The following NTM variants were observed in gnomAD, a reference collection of about 807,000 sequenced individuals.
NTM encodes the protein IgLON family member 2.
Under a neutral mutation model 42.1 loss-of-function variants are expected in NTM, and 13 were observed. That is an observed-to-expected ratio of 0.31 (90% confidence interval 0.20 to 0.49). The LOEUF is 0.49. Ranked by LOEUF, NTM falls within the 20% of genes least tolerant of loss-of-function variation. NTM has a pLI of 0.99. For synonymous variants in NTM, 187 were observed against 179.2 expected (o/e 1.04, Z -0.35); for missense variants, 373 against 452.8 (o/e 0.82, Z 1.60).
Position 132,032,391 on chromosome 11 carries a change from G to C in NTM, c.168-113891G>C, listed in dbSNP as rs535997742. On this transcript the variant is annotated intron_variant, in intron 2 of 8. Transcript: ENST00000683400. ...ATCCATTCCTTGGATTTTCACTGCTGTTTGGGTATAGGAGCTGCACACTTC... is the reference window on the plus strand; with the variant it reads ...ATCCATTCCTTGGATTTTCACTGCTCTTTGGGTATAGGAGCTGCACACTTC... 9.8e-5 allele frequency among the ~76,000 whole-genome samples: 15 copies of C among 152,348 alleles called. No homozygotes were observed. The South Asian group carries it at 2.7e-3, about 27-fold the overall frequency.
At chr11:131,510,568 T>G (rs2048100742) in intron 1 of NTM, among the ~76,000 whole-genome samples, 1 of 152,220 alleles carries the variant, frequency 6.6e-6, no homozygotes, top group African/African-American at 2.4e-5. Context: ...GTCCAATAAC[T>G]TCAGCCTTAA....
rs144240042 is a variant in NTM at position 132,211,681 on chromosome 11, G to A, written c.401-341G>A. 272 of 207,702 alleles carry A rather than the reference G, an allele frequency of 1.3e-3. 1 individual carries two copies. Among genetic ancestry groups the A allele is most frequent in the African/African-American group, 6.0e-3 (254 of 42,306 alleles). 12.9% of individuals were successfully genotyped at this position (207,702 alleles called of 1,614,324 possible). ...CAGAATTGCATTCTTTCAAGACATC[G>A]CTGAATGCAGTGTGGAGGATGGCTC... On this transcript the variant is annotated intron_variant, in intron 3 of 8. Coordinates refer to ENST00000683400, the MANE Select transcript of NTM (RefSeq NM_001352005.2).
At chr11:131,802,408 T>G (rs557326380) in intron 1 of NTM, among the ~76,000 whole-genome samples, 7 of 152,234 alleles carry the variant, frequency 4.6e-5, no homozygotes, top group Non-Finnish European at 1.0e-4. Flanking sequence ...TCAGAATTCA[T>G]AATTCCCTGC....
chr11:132,212,347 A>G (rs2082999518), intron 4 of NTM, among the ~76,000 whole-genome samples, 200 bp downstream of exon 4: 1 of 152,090 alleles, frequency 6.6e-6, no homozygotes, highest in East Asian at 1.9e-4. Flanking sequence ...CAGAATTCAT[A>G]CCTCAGTATC....
At position 131,431,139 on chromosome 11, in the gene NTM, C is replaced by G. The variant is rs190732557; in HGVS notation, c.82+60251C>G. ...GGTACCTGTCTATTTTTATAGCCACCCTTCAGCCAAATTCAGGATTGCAGC... is the reference window on the plus strand; with the variant it reads ...GGTACCTGTCTATTTTTATAGCCACGCTTCAGCCAAATTCAGGATTGCAGC... On this transcript the variant is annotated intron_variant, in intron 1 of 8. Coordinates refer to ENST00000683400, the MANE Select transcript of NTM (RefSeq NM_001352005.2). Among the ~76,000 whole-genome samples, 29 of 152,224 alleles carry G rather than the reference C, an allele frequency of 1.9e-4. 1 individual carries two copies. Among genetic ancestry groups the G allele is most frequent in the Non-Finnish European group, 3.8e-4 (26 of 68,022 alleles).
intron 2 of NTM, among the ~76,000 whole-genome samples, chr11:131,976,218 A>T (rs1268148278): frequency 6.7e-6 from 1 of 149,664 alleles, no homozygotes; most frequent in African/African-American, 2.5e-5. Flanking sequence ...AATAAGCTTA[A>T]TGGGATGAAG....
At chr11:132,095,689 G>T (rs2136466832) in intron 2 of NTM, among the ~76,000 whole-genome samples, 1 of 152,314 alleles carries the variant, frequency 6.6e-6, no homozygotes, top group East Asian at 1.9e-4. Flanking sequence ...TCTAGGCGTG[G>T]TTGTCACCCA....
At chr11:131,479,812 A>T (rs773850628) in intron 1 of NTM, among the ~76,000 whole-genome samples, 2 of 152,204 alleles carry the variant, frequency 1.3e-5, no homozygotes, top group Non-Finnish European at 2.9e-5. Flanking sequence ...CAGCACAGAA[A>T]GCAAGTCAGG....
At position 132,336,052 on chromosome 11, in the gene NTM, A is replaced by G. The variant is rs1423715911; in HGVS notation, c.*906A>G. 1 of 152,628 alleles carries G rather than the reference A, an allele frequency of 6.6e-6. No homozygotes were observed. The highest frequency in any genetic ancestry group is 1.5e-5 in the Non-Finnish European group (1 of 68,030). The allele number at this position is 152,628 out of a possible 1,614,324, so 9.5% of individuals were successfully genotyped here. On this transcript the variant is annotated 3_prime_UTR_variant, in exon 9 of 9. Coordinates refer to ENST00000683400, the MANE Select transcript of NTM (RefSeq NM_001352005.2). The stretch of plus-strand genomic sequence containing the variant: ...CCACCAGCGCTACGGACTCCTCCCA[A>G]TTCTGACATCTCTTGCAGACAATAC...
chr11:131,801,208 T>C (rs760726306), intron 1 of NTM, among the ~76,000 whole-genome samples: 6 of 152,208 alleles, frequency 3.9e-5, no homozygotes, highest in Admixed American at 3.9e-4. Flanking sequence ...AATGTTTTTT[T>C]CTGAAGTTCA....
chr11:132,054,653 A>G (rs551436120), intron 2 of NTM, among the ~76,000 whole-genome samples: 269 of 152,336 alleles, frequency 1.8e-3, no homozygotes, highest in African/African-American at 6.1e-3. Context: ...TATTGTAAAT[A>G]TAGAATACAG....
At chr11:132,321,162 C>T (rs1353350680) in intron 7 of NTM, among the ~76,000 whole-genome samples, 1 of 152,216 alleles carries the variant, frequency 6.6e-6, no homozygotes, top group Non-Finnish European at 1.5e-5. Flanking sequence ...AGCAACTGAA[C>T]AAAGCTGGAC....
At chr11:131,970,240 C>T (rs1043068680) in intron 2 of NTM, among the ~76,000 whole-genome samples, 1 of 152,198 alleles carries the variant, frequency 6.6e-6, no homozygotes, top group African/African-American at 2.4e-5. Flanking sequence ...GTTATCATGG[C>T]TCCAATTTTT....
intron 4 of NTM, among the ~76,000 whole-genome samples, chr11:132,280,475 C>CTTT (rs138697534): frequency 8.5e-5 from 7 of 82,444 alleles, no homozygotes; most frequent in Non-Finnish European, 1.3e-4. Flanking sequence ...ATACTCTCTT[C>CTTT]TTTTTTTTTT....
rs866795586 is a variant in NTM, at chr11:132,078,079, C to T, written c.168-68203C>T. On this transcript the variant is annotated intron_variant, in intron 2 of 8. Transcript: ENST00000683400. Reference sequence around the variant, plus strand: ...AAAACTCATATTTTCTTGCCCCACACGAGGGGATCATCACTTGCTTCTCAG... The same window carrying T: ...AAAACTCATATTTTCTTGCCCCACATGAGGGGATCATCACTTGCTTCTCAG... Among the ~76,000 whole-genome samples, 7 of 152,274 alleles carry T rather than the reference C, an allele frequency of 4.6e-5. No individual in the cohort carries two copies. The East Asian group carries it at 7.7e-4, about 17-fold the overall frequency.
chr11:132,103,456 C>G (rs1348679167), intron 2 of NTM, among the ~76,000 whole-genome samples: 1 of 152,160 alleles, frequency 6.6e-6, no homozygotes, highest in Non-Finnish European at 1.5e-5. Flanking sequence ...TGTGAAAATG[C>G]CTTTTCGTAT....
At chr11:132,309,025 C>T (rs938817256) in intron 5 of NTM, among the ~76,000 whole-genome samples, 5 of 152,118 alleles carry the variant, frequency 3.3e-5, no homozygotes, top group African/African-American at 1.2e-4. Flanking sequence ...TTTATGTTGT[C>T]CATAAGATAA....
At chr11:131,660,704 G>A in intron 1 of NTM, 1 of 424,534 alleles carries the variant, frequency 2.4e-6, no homozygotes. Flanking sequence ...CTAGGGTGGT[G>A]AAGAGGGACG....
chr11:132,066,989 C>T (rs1021972423), intron 2 of NTM, among the ~76,000 whole-genome samples: 8 of 151,976 alleles, frequency 5.3e-5, no homozygotes, highest in African/African-American at 1.7e-4. Flanking sequence ...GGGTCTTGCT[C>T]TGTCTCCCAG....
Sources: gnomAD v4.1 joint callset for allele counts (sites outside exome capture counted in the v4.1 genomes callset) on GRCh38, gnomAD v4.1.1 for gene constraint, MANE v1.5 for transcripts, NCBI Gene and HGNC (gene_info 2026-07-23, HGNC 2026-07-21) for gene names.